The following MARF1 variants were observed in gnomAD, a reference collection of about 807,000 sequenced individuals.
MARF1 encodes the protein limkain-b1.
MARF1 carries 24 observed loss-of-function variants against 168.2 expected under a neutral mutation model. The observed-to-expected ratio is 0.14, with a 90% CI of 0.10 to 0.20. MARF1 has a LOEUF of 0.20. MARF1 is among the 10% of genes least tolerant of loss of function. The pLI is 1.00. For synonymous variants in MARF1, 868 were observed against 822.4 expected, an observed-to-expected ratio of 1.06 and a Z score of -0.95; for missense variants, 1,744 against 2,143.6, an observed-to-expected ratio of 0.81 and a Z score of 3.68.
rs1310304000 is a variant in MARF1, at chr16:15,625,482, G to A, written c.1843C>T (p.Leu615Phe). Residue 615 changes from leucine to phenylalanine, a missense_variant, in exon 8 of 27, where the codon CTC (leucine) becomes TTC (phenylalanine). Leu to Phe is a conservative substitution (Grantham distance 22). Transcript: ENST00000396368. ...GATTGTTCACTTGCATCTTTGATGA[G>A]GCACAATTTTGGATTCTTAAGTTTT... ...PKKLKNPKLC[L>F]IKDASEQSSS... 1.5e-5 allele frequency: 25 copies of A among 1,614,028 alleles called. No homozygotes were observed. Among genetic ancestry groups the A allele is most frequent in the Non-Finnish European group, 2.0e-5 (24 of 1,180,024 alleles).
At chr16:15,641,252 C>G (rs2035930961) in intron 1 of MARF1, among the ~76,000 whole-genome samples, 1 of 152,156 alleles carries the variant, frequency 6.6e-6, no homozygotes, top group African/African-American at 2.4e-5. Context: ...ATGCTCCCTA[C>G]TCTGTAAATA....
At chr16:15,609,831 C>A in intron 19 of MARF1, 106 bp from the exon 20 acceptor site, 1 of 916,350 alleles carries the variant, frequency 1.1e-6, no homozygotes, top group South Asian at 1.7e-5. Flanking sequence ...ACGATATCAT[C>A]CTTGCCTTCC....
Position 15,633,756 on chromosome 16 carries a change from G to T in MARF1, c.1094C>A (p.Pro365His). Residue 365 changes from proline (P) to histidine (H), a missense_variant, in exon 5 of 27, where the codon CCC becomes CAC. By Grantham distance (77) the Pro-to-His change is moderately conservative. This residue lies in a region of MARF1 where 217 missense variants were observed against 372.4 expected (regional missense o/e 0.58). Transcript: ENST00000396368. ...VFWDIENCSV[P>H]SGRSATAVVQ... ...AACAGCAGTTGCTGACCGGCCAGAG[G>T]GAACGGAGCAGTTTTCAATATCCCA... 6.2e-7 allele frequency: 1 copy of T among 1,614,052 alleles called. No homozygotes were observed. The highest frequency in any genetic ancestry group is 8.5e-7 in the Non-Finnish European group (1 of 1,180,006).
At chr16:15,599,587 C>T (rs972627620) in intron 25 of MARF1, among the ~76,000 whole-genome samples, 4 of 152,194 alleles carry the variant, frequency 2.6e-5, no homozygotes, top group Admixed American at 6.5e-5. Context: ...GCACAGGGGA[C>T]GGTAACGTGC....
intron 23 of MARF1, chr16:15,601,698 C>T (rs529844260): frequency 1.4e-5 from 7 of 499,942 alleles, no homozygotes; most frequent in African/African-American, 7.7e-5. Flanking sequence ...CTGCCCTGAC[C>T]GCCCTGACTA....
At chr16:15,599,512 G>A (rs1274519018) in intron 25 of MARF1, among the ~76,000 whole-genome samples, 2 of 152,204 alleles carry the variant, frequency 1.3e-5, no homozygotes. Flanking sequence ...GGCAGCTTCG[G>A]CAGATGATTC....
In MARF1 at chr16:15,595,980, AG is replaced by A. The variant is rs1217761749; in HGVS notation, c.*712del. ...AACCCATATCAAACTGGAACACAGAAGGGAAGCTTCAAACATCCTCAACTTT... is the reference window on the plus strand; with the variant it reads ...AACCCATATCAAACTGGAACACAGAAGGAAGCTTCAAACATCCTCAACTTT... On this transcript the variant is annotated 3_prime_UTR_variant, in exon 27 of 27. Transcript: ENST00000396368. The A allele has an allele frequency of 3.3e-5, 5 of 152,638 alleles. No individual in the cohort carries two copies. Among genetic ancestry groups the A allele is most frequent in the African/African-American group, 1.2e-4 (5 of 41,462 alleles). 9.5% of individuals were successfully genotyped at this position (152,638 alleles called of 1,614,324 possible).
intron 22 of MARF1, 40 bp downstream of exon 22, chr16:15,604,128 G>T (rs756585649): frequency 8.2e-6 from 12 of 1,456,084 alleles, no homozygotes; most frequent in Non-Finnish European, 1.2e-5. Context: ...CCAATCGATA[G>T]TTTTCAATGA....
chr16:15,639,802 T>C (rs560987623), intron 1 of MARF1, among the ~76,000 whole-genome samples: 2 of 152,338 alleles, frequency 1.3e-5, no homozygotes, highest in East Asian at 3.9e-4. Flanking sequence ...TTTGGTAAAC[T>C]TGGTTGACTG....
intron 16 of MARF1, 68 bp from the exon 17 acceptor site, chr16:15,612,845 C>T (rs900589614): frequency 7.7e-7 from 1 of 1,298,944 alleles, no homozygotes. Flanking sequence ...GGGAAAATGG[C>T]CCTGCAGTCC....
At position 15,625,638 on chromosome 16, in the gene MARF1, G is replaced by A; in HGVS notation, c.1687C>T (p.Arg563Cys). 4 of 1,614,178 alleles carry A rather than the reference G, an allele frequency of 2.5e-6. No individual in the cohort carries two copies. Among genetic ancestry groups the A allele is most frequent in the Non-Finnish European group, 3.4e-6 (4 of 1,180,034 alleles). Residue 563 changes from arginine to cysteine, a missense_variant, in exon 8 of 27, where the codon CGC (arginine) becomes TGC (cysteine). Around this residue, in one of 7 missense-constraint regions of MARF1, gnomAD observed 217 missense variants for 372.4 expected, o/e 0.58. Transcript: ENST00000396368. The stretch of plus-strand genomic sequence containing the variant: ...TCGTTTTCCATTCGCTTCTGAGCGC[G>A]CTCTGCACTATCTTGGTTTATGAAG... ...LRFINQDSAERAQKRMENEDV... is the reference protein window; with the variant it reads ...LRFINQDSAECAQKRMENEDV...
chr16:15,625,470 C>A lies in MARF1; in HGVS notation c.1855G>T (p.Ala619Ser), dbSNP rs2034779971. The stretch of plus-strand genomic sequence containing the variant: ...TTGGCACTGGAAGATTGTTCACTTG[C>A]ATCTTTGATGAGGCACAATTTTGGA... The part of the protein sequence containing the change: ...KNPKLCLIKD[A>S]SEQSSSAKAT... Residue 619 changes from alanine (A) to serine (S), a missense_variant, in exon 8 of 27, where the codon GCA becomes TCA. Coordinates refer to ENST00000396368, the MANE Select transcript of MARF1 (RefSeq NM_014647.4). 1.9e-6 allele frequency: 3 copies of A among 1,614,050 alleles called. No homozygotes were observed. The highest frequency in any genetic ancestry group is 2.5e-6 in the Non-Finnish European group (3 of 1,180,032).
Position 15,636,118 on chromosome 16 carries a change from G to A in MARF1, c.369C>T (p.Ser123=), listed in dbSNP as rs569233777. 47 of 1,614,202 alleles carry A rather than the reference G, an allele frequency of 2.9e-5. No individual in the cohort carries two copies. The highest frequency in any genetic ancestry group is 2.9e-5 in the Non-Finnish European group (34 of 1,180,018). The stretch of plus-strand genomic sequence containing the variant: ...GGTGAATCAAGCTACTGGTACCTCC[G>A]CTACCGCCACCACCACCACCAAAAC... ...PMRFGGGGGG[S]GGTSSLIHPG... The change falls in exon 3 of 27, where the codon AGC becomes AGT. Residue 123 remains serine (S), a synonymous_variant. Transcript: ENST00000396368.
At chr16:15,634,590 T>C (rs963198170) in intron 4 of MARF1, among the ~76,000 whole-genome samples, 167 bp downstream of exon 4, 2 of 152,190 alleles carry the variant, frequency 1.3e-5, no homozygotes, top group Admixed American at 6.5e-5. Flanking sequence ...AATGACTTCC[T>C]GGTCCATAAT....
At chr16:15,602,450 G>T in intron 22 of MARF1, 1 of 599,766 alleles carries the variant, frequency 1.7e-6, no homozygotes, top group Non-Finnish European at 2.9e-6. Context: ...CAAAAACGAA[G>T]ATAAAGACGA....
Position 15,599,001 on chromosome 16 carries a change from G to A in MARF1, c.4837C>T (p.Leu1613Phe). Residue 1613 changes from leucine (L) to phenylalanine (F), a missense_variant, in exon 26 of 27, where the codon CTT (leucine) becomes TTT (phenylalanine). This residue lies in a region of MARF1 where 313 missense variants were observed against 337.4 expected (regional missense o/e 0.93). Coordinates refer to ENST00000396368, the MANE Select transcript of MARF1 (RefSeq NM_014647.4). ...GSGPSHTEQE[L>F]LRLTDDSPVD... ...GGGGAGTCGTCGGTCAGGCGGAGAA[G>A]CTCCTGCTCTGTGTGACTGGGCCCT... 1.9e-6 allele frequency: 3 copies of A among 1,609,278 alleles called. No individual in the cohort carries two copies. The African/African-American group carries it at 4.0e-5, about 22-fold the overall frequency.
At chr16:15,626,655 T>G (rs530310799) in intron 7 of MARF1, among the ~76,000 whole-genome samples, 2 of 152,256 alleles carry the variant, frequency 1.3e-5, no homozygotes, top group East Asian at 1.9e-4. Flanking sequence ...AAGTTGAAAT[T>G]TATGTATTAA....
intron 21 of MARF1, among the ~76,000 whole-genome samples, chr16:15,606,266 C>T (rs1363759809): frequency 6.6e-6 from 1 of 152,138 alleles, no homozygotes; most frequent in Non-Finnish European, 1.5e-5. Flanking sequence ...GTCATGCTGG[C>T]ACTGACATTC....
Position 15,600,490 on chromosome 16 carries a change from C to A in MARF1, c.4751G>T (p.Arg1584Leu), listed in dbSNP as rs768760857. Residue 1584 changes from arginine to leucine, a missense_variant, in exon 25 of 27, where the codon CGC becomes CTC. Physicochemically the swap from Arg to Leu is moderately radical, Grantham distance 102. Coordinates refer to ENST00000396368, the MANE Select transcript of MARF1 (RefSeq NM_014647.4). The stretch of plus-strand genomic sequence containing the variant: ...GTGCGATTCGGGCACCTCCAGGATG[C>A]GCTCGCCCTCCGAGGGCTGGTTTTC... ...NHENQPSEGE[R>L]ILEVPESHTA... 1 of 1,614,160 alleles carries A rather than the reference C, an allele frequency of 6.2e-7. No homozygotes were observed.
Sources: gnomAD v4.1 joint callset for allele counts (sites outside exome capture counted in the v4.1 genomes callset) on GRCh38, gnomAD v4.1.1 for gene constraint, gnomAD v4.1.1 regional missense constraint, MANE v1.5 for transcripts, NCBI Gene and HGNC (gene_info 2026-07-23, HGNC 2026-07-21) for gene names.